HORMAD1: variants seen among roughly 807,000 people sequenced by gnomAD.
HORMAD1 encodes the protein HORMA domain containing 1.
A neutral mutation model predicts 58.2 loss-of-function variants in HORMAD1; 33 were observed. That is an observed-to-expected ratio of 0.57 (90% CI 0.43 to 0.76). The LOEUF is 0.76. Ranked by LOEUF, HORMAD1 falls within the 30% of genes least tolerant of loss-of-function variation. The pLI is 0.00. For synonymous variants in HORMAD1, 137 were observed against 144.6 expected, an observed-to-expected ratio of 0.95 and a Z score of 0.38; for missense variants, 363 against 462.0, an observed-to-expected ratio of 0.79 and a Z score of 1.96.
intron 4 of HORMAD1, among the ~76,000 whole-genome samples, chr1:150,714,410 T>A (rs587627521): frequency 2.6e-5 from 4 of 152,030 alleles, no homozygotes; most frequent in African/African-American, 9.7e-5. Context: ...TAAAGAAACA[T>A]TTATTTTTAA....
At chr1:150,711,908 AT>A (rs2101874880) in intron 5 of HORMAD1, 55 bp from the exon 6 acceptor site, 1 of 1,152,874 alleles carries the variant, frequency 8.7e-7, no homozygotes, top group East Asian at 2.5e-5. Context: ...ATAATTTTTC[AT>A]TACGAATCAT....
chr1:150,699,899 T>A (rs1449986385), intron 14 of HORMAD1, among the ~76,000 whole-genome samples: 2 of 152,130 alleles, frequency 1.3e-5, no homozygotes, highest in Non-Finnish European at 2.9e-5. Context: ...AGACAGGAGA[T>A]GTTTACATGG....
Position 150,714,640 on chromosome 1 carries a change from G to GAT in HORMAD1, c.216_217insAT (p.Pro73IlefsTer7). ...CATTTCACTAACTGTGTAGATCCTG[G>GAT]GCAATTTTTATCTTCTCTCAGTATT... On this transcript the variant is annotated frameshift_variant, in exon 4 of 15. Coordinates refer to ENST00000361824, the MANE Select transcript of HORMAD1 (RefSeq NM_032132.5). LOFTEE classifies it high-confidence loss of function. 1 of 1,505,578 alleles carries GAT rather than the reference G, an allele frequency of 6.6e-7. No individual in the cohort carries two copies. Among genetic ancestry groups the GAT allele is most frequent in the Admixed American group, 1.9e-5 (1 of 53,998 alleles). 93.3% of individuals were successfully genotyped at this position (1,505,578 alleles called of 1,614,324 possible).
intron 5 of HORMAD1, 73 bp downstream of exon 5, chr1:150,714,012 A>T: frequency 1.1e-6 from 1 of 937,978 alleles, no homozygotes; most frequent in Non-Finnish European, 1.7e-6. Context: ...ATGTTTTACT[A>T]CATCATAACT....
At chr1:150,709,299 G>A (rs587701760) in intron 7 of HORMAD1, among the ~76,000 whole-genome samples, 1 of 152,320 alleles carries the variant, frequency 6.6e-6, no homozygotes, top group African/African-American at 2.4e-5. Context: ...TTGCTGAGAT[G>A]TTGTTAATTT....
At position 150,698,564 on chromosome 1, in the gene HORMAD1, T is replaced by C. The variant is rs1374826003; in HGVS notation, c.*90A>G. The C allele has an allele frequency of 1.8e-5, 12 of 674,358 alleles. No homozygotes were observed. Among genetic ancestry groups the C allele is most frequent in the South Asian group, 2.1e-5 (1 of 47,110 alleles). The allele number at this position is 674,358 out of a possible 1,614,324, so 41.8% of individuals were successfully genotyped here. A position where few individuals can be genotyped will look rare whatever the true frequency, so the allele number is the denominator to read the frequency against. ...TGTACAAACTGCTTTAAACTACATA[T>C]ACATCTTCAGAGTTAGGGAAATATA... On this transcript the variant is annotated 3_prime_UTR_variant, in exon 15 of 15. Coordinates refer to ENST00000361824, the MANE Select transcript of HORMAD1 (RefSeq NM_032132.5).
intron 9 of HORMAD1, among the ~76,000 whole-genome samples, chr1:150,707,224 G>T (rs587640141): frequency 6.6e-6 from 1 of 152,208 alleles, no homozygotes; most frequent in South Asian, 2.1e-4. Flanking sequence ...TATAATAAAA[G>T]ATATTTCATA....
At position 150,704,299 on chromosome 1, in the gene HORMAD1, GT is replaced by G; in HGVS notation, c.848del (p.Asn283ThrfsTer12). 9.4e-6 allele frequency: 15 copies of G among 1,591,834 alleles called. No individual in the cohort carries two copies. The highest frequency in any genetic ancestry group is 1.3e-5 in the Non-Finnish European group (15 of 1,171,126). ...IETKMEEQEKNPASSELEEPS... is the reference protein window; with the variant it reads ...IETKMEEQEKXPASSELEEPS... Reference sequence around the variant, plus strand: ...TACCTTCAAGTTCAGAAGATGCAGGGTTTTTTTCCTGTTCTTCCATTTTAGT... The same window carrying G: ...TACCTTCAAGTTCAGAAGATGCAGGGTTTTTTCCTGTTCTTCCATTTTAGT... On this transcript the variant is annotated frameshift_variant, in exon 11 of 15. Coordinates refer to ENST00000361824, the MANE Select transcript of HORMAD1 (RefSeq NM_032132.5). LOFTEE classifies it high-confidence loss of function.
rs1337628110 is a variant in HORMAD1, at chr1:150,698,514, C to T, written c.*140G>A. 2.0e-5 allele frequency: 9 copies of T among 441,264 alleles called. No individual in the cohort carries two copies. Among genetic ancestry groups the T allele is most frequent in the Admixed American group, 1.3e-4 (3 of 23,558 alleles). 27.3% of individuals were successfully genotyped at this position (441,264 alleles called of 1,614,324 possible). ...CTCAAGATTAAGGACCACAATATGA[C>T]AGTCAGCCAAAAACTTAGTTTTAGT... On this transcript the variant is annotated 3_prime_UTR_variant, in exon 15 of 15. Transcript: ENST00000361824.
chr1:150,709,557 G>A (rs982872256), intron 7 of HORMAD1, among the ~76,000 whole-genome samples: 1 of 152,186 alleles, frequency 6.6e-6, no homozygotes, highest in Non-Finnish European at 1.5e-5. Context: ...TATTGTCCAA[G>A]GTTTCTCCCC....
chr1:150,714,773 G>C (rs587674966), intron 3 of HORMAD1, 95 bp from the exon 4 acceptor site: 2 of 469,792 alleles, frequency 4.3e-6, no homozygotes, highest in Non-Finnish European at 7.5e-6. Flanking sequence ...GTGTATTACA[G>C]GTAAATTATT....
chr1:150,701,383 T>C (rs1651532436), intron 13 of HORMAD1, among the ~76,000 whole-genome samples: 1 of 152,190 alleles, frequency 6.6e-6, no homozygotes, highest in South Asian at 2.1e-4. Flanking sequence ...CAGTTCTAAC[T>C]TCCCATTGAG....
chr1:150,717,193 G>C lies in HORMAD1; in HGVS notation c.123C>G (p.Ile41Met). 6.3e-7 allele frequency: 1 copy of C among 1,592,344 alleles called. No individual in the cohort carries two copies. ...KRLLAVSVSC[I>M]TYLRGIFPEC... ...CTGGGAATATTCCCCTCAAATACGT[G>C]ATACAGGATACTGAAACTGCTAGAA... is the stretch of plus-strand genomic sequence containing the variant. The change falls in exon 3 of 15, where the codon ATC (isoleucine) becomes ATG (methionine). Residue 41 changes from isoleucine to methionine, a missense_variant. By Grantham distance (10) the Ile-to-Met change is conservative (BLOSUM62 1). Around this residue, in one of 3 missense-constraint regions of HORMAD1, gnomAD observed 128 missense variants for 171.8 expected, o/e 0.74. Transcript: ENST00000361824.
intron 2 of HORMAD1, 51 bp from the exon 3 acceptor site, chr1:150,717,333 A>G (rs1169913276): frequency 1.6e-6 from 2 of 1,239,072 alleles, no homozygotes; most frequent in South Asian, 1.7e-5. Context: ...TTAAAAATAA[A>G]GTTTCTCTTG....
chr1:150,711,431 GA>G, intron 7 of HORMAD1, 113 bp downstream of exon 7: 1 of 799,624 alleles, frequency 1.3e-6, no homozygotes, highest in Non-Finnish European at 2.1e-6. Context: ...AAATATATAT[GA>G]AAGTATATTG....
At chr1:150,701,485 C>T (rs1651536285) in intron 13 of HORMAD1, among the ~76,000 whole-genome samples, 2 of 152,094 alleles carry the variant, frequency 1.3e-5, no homozygotes, top group Admixed American at 1.3e-4. Flanking sequence ...AGAAACAAAC[C>T]TTGAGGCATT....
In HORMAD1 at chr1:150,714,085, A is replaced by G. The variant is rs889461370; in HGVS notation, c.279T>C (p.Tyr93=). The G allele has an allele frequency of 1.3e-5, 20 of 1,524,168 alleles. No individual in the cohort carries two copies. The highest frequency in any genetic ancestry group is 3.6e-5 in the Admixed American group (2 of 54,990). 94.4% of individuals were successfully genotyped at this position (1,524,168 alleles called of 1,614,324 possible). A position where few individuals can be genotyped will look rare whatever the true frequency, so the allele number is the denominator to read the frequency against. Residue 93 remains tyrosine, a splice_region_variant and synonymous_variant, in exon 5 of 15, where the codon TAT becomes TAC. Transcript: ENST00000361824. ...AGGATAAAGAGATTGCAAGACTTAC[A>G]TATTTTTTCTGTAAAGCATCATAAC... is the stretch of plus-strand genomic sequence containing the variant. ...LGCYDALQKK[Y]LRMVVLAVYT...
At chr1:150,710,536 C>A (rs1035461867) in intron 7 of HORMAD1, among the ~76,000 whole-genome samples, 17 of 152,096 alleles carry the variant, frequency 1.1e-4, no homozygotes, top group African/African-American at 3.6e-4. Context: ...AAAAAATGCA[C>A]AACTATATAA....
intron 3 of HORMAD1, among the ~76,000 whole-genome samples, chr1:150,716,605 G>C (rs587711215): frequency 6.6e-6 from 1 of 152,074 alleles, no homozygotes; most frequent in African/African-American, 2.4e-5. Flanking sequence ...GTTTCTTCTT[G>C]GGATGAAGAA....
Sources: gnomAD v4.1 joint callset for allele counts (sites outside exome capture counted in the v4.1 genomes callset) on GRCh38, gnomAD v4.1.1 for gene constraint, gnomAD v4.1.1 regional missense constraint, MANE v1.5 for transcripts, NCBI Gene and HGNC (gene_info 2026-07-23, HGNC 2026-07-21) for gene names.